Variants in MSRA observed in about 807,000 individuals in gnomAD.
The protein encoded by MSRA is methionine sulfoxide reductase A.
MSRA carries 54 observed loss-of-function variants against 31.3 expected under a neutral mutation model. That is an observed-to-expected ratio of 1.73 (90% CI 1.39 to 2.17). MSRA has a LOEUF of 2.17. MSRA is among the 30% of genes most tolerant of loss of function. The pLI is 0.00. For synonymous variants in MSRA, 169 were observed against 116.5 expected, an observed-to-expected ratio of 1.45 and a Z score of -2.90; for missense variants, 507 against 300.9, an observed-to-expected ratio of 1.69 and a Z score of -5.07.
chr8:10,056,474 C>G (rs1298174870), intron 1 of MSRA, among the ~76,000 whole-genome samples: 1 of 151,222 alleles, frequency 6.6e-6, no homozygotes, highest in Non-Finnish European at 1.5e-5. Context: ...CTCCATATAG[C>G]TGTGAGTGTT....
intron 1 of MSRA, among the ~76,000 whole-genome samples, chr8:10,071,217 C>G (rs960707275): frequency 6.6e-6 from 1 of 152,170 alleles, no homozygotes; most frequent in African/African-American, 2.4e-5. Context: ...GTAGTGATAT[C>G]TCATCATGGT....
chr8:10,389,890 A>G (rs1474264281), intron 5 of MSRA, among the ~76,000 whole-genome samples: 1 of 151,728 alleles, frequency 6.6e-6, no homozygotes, highest in Admixed American at 6.5e-5. Context: ...CATTCACAGA[A>G]TCGCCCATGG....
At chr8:10,103,534 C>A (rs559880429) in intron 1 of MSRA, among the ~76,000 whole-genome samples, 1 of 151,996 alleles carries the variant, frequency 6.6e-6, no homozygotes, top group African/African-American at 2.4e-5. Context: ...AAGGGTTGTT[C>A]AGAATATTAA....
chr8:10,296,360 A>G (rs756635942), intron 3 of MSRA, among the ~76,000 whole-genome samples: 1 of 152,240 alleles, frequency 6.6e-6, no homozygotes, highest in Non-Finnish European at 1.5e-5. Context: ...AGCAATAACA[A>G]TAGAAACCTC....
At chr8:10,130,918 T>C (rs1801847721) in intron 1 of MSRA, among the ~76,000 whole-genome samples, 1 of 152,196 alleles carries the variant, frequency 6.6e-6, no homozygotes, top group Admixed American at 6.5e-5. Flanking sequence ...AAAGCCAGGA[T>C]ATAAAACCTT....
intron 1 of MSRA, among the ~76,000 whole-genome samples, chr8:10,093,820 C>G (rs1304444590): frequency 6.6e-6 from 1 of 152,134 alleles, no homozygotes; most frequent in Non-Finnish European, 1.5e-5. Context: ...GTAATGAACT[C>G]TGTTTTTATT....
chr8:10,252,975 T>C (rs1057143698), intron 3 of MSRA, among the ~76,000 whole-genome samples: 2 of 152,176 alleles, frequency 1.3e-5, no homozygotes, highest in Non-Finnish European at 2.9e-5. Flanking sequence ...TGCTGATAGG[T>C]AGTTCAAAGT....
At chr8:10,309,564 C>A (rs1196330651) in intron 4 of MSRA, among the ~76,000 whole-genome samples, 1 of 152,204 alleles carries the variant, frequency 6.6e-6, no homozygotes, top group African/African-American at 2.4e-5. Flanking sequence ...TCCTCTTCAC[C>A]CCTTTCCACC....
intron 1 of MSRA, among the ~76,000 whole-genome samples, chr8:10,131,519 G>A (rs765575871): frequency 1.3e-5 from 2 of 152,210 alleles, no homozygotes; most frequent in Non-Finnish European, 2.9e-5. Context: ...AGGTTAGCAG[G>A]TTCGTAGGTG....
At chr8:10,393,469 C>T (rs1189422160) in intron 5 of MSRA, among the ~76,000 whole-genome samples, 3 of 152,196 alleles carry the variant, frequency 2.0e-5, no homozygotes, top group South Asian at 4.1e-4. Flanking sequence ...TTGGCACAAA[C>T]ATTCTATGGC....
intron 1 of MSRA, among the ~76,000 whole-genome samples, chr8:10,199,605 G>A (rs1334757890): frequency 1.3e-5 from 2 of 152,122 alleles, no homozygotes; most frequent in East Asian, 1.9e-4. Context: ...TTGTGGTTGG[G>A]GCATCTCCAT....
intron 5 of MSRA, among the ~76,000 whole-genome samples, chr8:10,363,477 C>T (rs774454135): frequency 6.6e-6 from 1 of 152,116 alleles, no homozygotes; most frequent in Non-Finnish European, 1.5e-5. Context: ...TCCCTTAGCA[C>T]GTGATCCATA....
At chr8:10,311,212 A>C (rs59119294) in intron 4 of MSRA, among the ~76,000 whole-genome samples, 24,398 of 152,200 alleles carry the variant, frequency 0.16, 2,385 homozygotes, top group African/African-American at 0.27. Context: ...AGCAGCTCCA[A>C]ATGTTGAATA....
chr8:10,279,724 C>A (rs541533892), intron 3 of MSRA, among the ~76,000 whole-genome samples: 1 of 152,200 alleles, frequency 6.6e-6, no homozygotes, highest in Non-Finnish European at 1.5e-5. Flanking sequence ...TATTGAGCAA[C>A]GTCTGACACC....
intron 3 of MSRA, among the ~76,000 whole-genome samples, chr8:10,280,790 C>T (rs960160094): frequency 2.2e-4 from 34 of 152,154 alleles, no homozygotes; most frequent in African/African-American, 7.2e-4. Flanking sequence ...CGCGCATCAG[C>T]GTGTGAATGG....
chr8:10,380,091 C>G (rs923613214), intron 5 of MSRA, among the ~76,000 whole-genome samples: 1 of 152,216 alleles, frequency 6.6e-6, no homozygotes, highest in African/African-American at 2.4e-5. Flanking sequence ...TGGTTTATGT[C>G]TTTAGCCTCA....
intron 3 of MSRA, among the ~76,000 whole-genome samples, chr8:10,258,241 C>G (rs557261408): frequency 2.3e-4 from 35 of 151,612 alleles, no homozygotes; most frequent in African/African-American, 8.2e-4. Flanking sequence ...GTTTTGAACT[C>G]CTATGCTGTG....
chr8:10,263,451 A>G (rs551755909), intron 3 of MSRA, among the ~76,000 whole-genome samples: 1 of 152,380 alleles, frequency 6.6e-6, no homozygotes, highest in African/African-American at 2.4e-5. Context: ...GTGCACGTTC[A>G]GACAATAGGT....
intron 5 of MSRA, among the ~76,000 whole-genome samples, chr8:10,341,366 C>T (rs888488658): frequency 2.0e-5 from 3 of 151,976 alleles, no homozygotes; most frequent in African/African-American, 4.8e-5. Context: ...GGGGGAGGTG[C>T]CACACGTTTT....
Sources: allele counts gnomAD v4.1 joint callset (sites outside exome capture counted in the v4.1 genomes callset), GRCh38; gene constraint gnomAD v4.1.1; transcripts MANE v1.5; gene names NCBI Gene and HGNC (gene_info 2026-07-23, HGNC 2026-07-21).